MED12L: variants seen among roughly 807,000 people sequenced by gnomAD.
MED12L encodes the protein mediator of RNA polymerase II transcription subunit 12-like protein.
Under a neutral mutation model 281.3 loss-of-function variants are expected in MED12L, and 60 were observed. The ratio of observed to expected loss-of-function variants is 0.21; its 90% CI spans 0.17 to 0.26. The LOEUF (loss-of-function observed/expected upper bound fraction) is 0.26, where lower values mean the gene tolerates loss of function less well. Among genes scored for constraint, MED12L ranks in the 10% least tolerant of loss-of-function variants. The pLI is 1.00. For missense variants in MED12L, 2,146 were observed against 2,680.9 expected (o/e 0.80, Z 4.41); for synonymous variants, 974 against 987.2 (o/e 0.99, Z 0.25).
At position 151,201,223 on chromosome 3, in the gene MED12L, A is replaced by ACTCT. The variant is rs58729370; in HGVS notation, c.2250+7577_2250+7580dup. Among the ~76,000 whole-genome samples, 270 of 147,978 alleles carry ACTCT rather than the reference A, an allele frequency of 1.8e-3. 5 individuals are homozygous for ACTCT. In the South Asian group the frequency reaches 0.045, roughly 25 times the overall value. On this transcript the variant is annotated intron_variant, in intron 16 of 44. Transcript: ENST00000687756. ...TCTATGCATACAACCACGTGCACAC[A>ACTCT]CTCTCTCTCTCTCTCTCTCTCTCAC...
chr3:151,216,722 G>T (rs1728305182), intron 16 of MED12L, among the ~76,000 whole-genome samples: 1 of 152,074 alleles, frequency 6.6e-6, no homozygotes, highest in East Asian at 1.9e-4. Context: ...GTACTCATTT[G>T]CTTCTTTGTA....
At chr3:151,201,669 A>G (rs912300311) in intron 16 of MED12L, among the ~76,000 whole-genome samples, 1 of 152,202 alleles carries the variant, frequency 6.6e-6, no homozygotes, top group East Asian at 1.9e-4. Flanking sequence ...AGCTCCTCAC[A>G]TCTGAAAGCT....
intron 16 of MED12L, among the ~76,000 whole-genome samples, chr3:151,279,419 C>T (rs1284618181): frequency 6.6e-6 from 1 of 152,220 alleles, no homozygotes; most frequent in Non-Finnish European, 1.5e-5. Context: ...GTGACTGACA[C>T]ATACCCAAAC....
In MED12L at chr3:151,394,767, A is replaced by G. The variant is rs753846690; in HGVS notation, c.5720A>G (p.His1907Arg). ...GCCATGATGCAGCCGCCTTCTCTTC[A>G]TGCAATCACATCGCAGCAGCAGTTG... Reference protein sequence around the residue: ...SGAMMQPPSLHAITSQQQLIQ... With the variant: ...SGAMMQPPSLRAITSQQQLIQ... Residue 1907 changes from histidine to arginine, a missense_variant, in exon 39 of 45, where the codon CAT (histidine) becomes CGT (arginine). Around this residue, in one of 9 missense-constraint regions of MED12L, gnomAD observed 496 missense variants for 512.0 expected, o/e 0.97. Coordinates refer to ENST00000687756, the MANE Select transcript of MED12L (RefSeq NM_001393769.1). The G allele has an allele frequency of 1.9e-5, 31 of 1,614,120 alleles. No homozygotes were observed. Among genetic ancestry groups the G allele is most frequent in the Admixed American group, 3.3e-5 (2 of 60,008 alleles).
chr3:151,192,055 A>G (rs1002522288), intron 14 of MED12L, among the ~76,000 whole-genome samples: 4 of 152,246 alleles, frequency 2.6e-5, no homozygotes, highest in African/African-American at 9.6e-5. Flanking sequence ...CTTGTTTTCA[A>G]AATGGTGTCG....
Position 151,411,372 on chromosome 3 carries a change from A to C in MED12L, c.6005A>C (p.Tyr2002Ser), listed in dbSNP as rs776033469. The change falls in exon 41 of 45, where the codon TAT becomes TCT. Residue 2002 changes from tyrosine to serine, a missense_variant. Transcript: ENST00000687756. ...GGCAGTGTGGTCCTGTCTCCCAGCT[A>C]TAACTCCAGAGCCTATCCGGCCGCA... ...QAGSVVLSPS[Y>S]NSRAYPAAHS... The C allele has an allele frequency of 1.2e-6, 2 of 1,614,196 alleles. No individual in the cohort carries two copies. Among genetic ancestry groups the C allele is most frequent in the Admixed American group, 3.3e-5 (2 of 60,022 alleles).
chr3:151,411,355 G>T lies in MED12L; in HGVS notation c.5988G>T (p.Val1996=). 6.2e-7 allele frequency: 1 copy of T among 1,614,156 alleles called. No homozygotes were observed. The highest frequency in any genetic ancestry group is 8.5e-7 in the Non-Finnish European group (1 of 1,180,032). Residue 1996 remains valine, a synonymous_variant, in exon 41 of 45, where the codon GTG becomes GTT. Coordinates refer to ENST00000687756, the MANE Select transcript of MED12L (RefSeq NM_001393769.1). ...CATCGCAGCAGCAGGCTGGCAGTGT[G>T]GTCCTGTCTCCCAGCTATAACTCCA... The part of the protein sequence containing the change: ...QQTSQQQAGS[V]VLSPSYNSRA...
intron 16 of MED12L, among the ~76,000 whole-genome samples, chr3:151,303,722 C>G (rs1746260928): frequency 6.6e-6 from 1 of 152,172 alleles, no homozygotes; most frequent in Non-Finnish European, 1.5e-5. Context: ...GAGATCACGC[C>G]ACTGCACTGC....
chr3:151,382,330 C>T (rs1405215371), intron 32 of MED12L, among the ~76,000 whole-genome samples: 1 of 152,070 alleles, frequency 6.6e-6, no homozygotes, highest in Non-Finnish European at 1.5e-5. Flanking sequence ...CAGTGTTTTT[C>T]TTCGTAAGAT....
At chr3:151,277,244 C>T (rs1742031080) in intron 16 of MED12L, among the ~76,000 whole-genome samples, 1 of 151,574 alleles carries the variant, frequency 6.6e-6, no homozygotes, top group African/African-American at 2.4e-5. Context: ...ATATAGAGTT[C>T]ATTCATATAT....
intron 16 of MED12L, among the ~76,000 whole-genome samples, chr3:151,223,673 C>CT (rs1729873156): frequency 6.6e-6 from 1 of 152,156 alleles, no homozygotes; most frequent in Non-Finnish European, 1.5e-5. Context: ...ACAGTAGACA[C>CT]TGGAGACTCC....
intron 5 of MED12L, among the ~76,000 whole-genome samples, chr3:151,143,181 G>A (rs999774397): frequency 3.3e-5 from 5 of 152,172 alleles, no homozygotes; most frequent in Non-Finnish European, 7.3e-5. Context: ...CATTTTTGCT[G>A]TGTTTTAGAG....
chr3:151,147,874 G>C (rs1202939164), intron 5 of MED12L, among the ~76,000 whole-genome samples: 1 of 152,196 alleles, frequency 6.6e-6, no homozygotes, highest in East Asian at 1.9e-4. Flanking sequence ...ATACAGGCTA[G>C]TTCTCCTGGG....
At chr3:151,137,042 A>G (rs932147322) in intron 5 of MED12L, among the ~76,000 whole-genome samples, 7 of 152,022 alleles carry the variant, frequency 4.6e-5, no homozygotes, top group East Asian at 1.9e-4. Flanking sequence ...TGTGCCTGTA[A>G]TCCCAGCTAC....
intron 40 of MED12L, among the ~76,000 whole-genome samples, chr3:151,410,934 G>T (rs1716862374): frequency 6.6e-6 from 1 of 152,140 alleles, no homozygotes; most frequent in African/African-American, 2.4e-5. Context: ...TGTCATCTGT[G>T]CACTGAAGAT....
At chr3:151,430,201 G>C in intron 43 of MED12L, 98 bp from the exon 44 acceptor site, 1 of 1,555,250 alleles carries the variant, frequency 6.4e-7, no homozygotes, top group Non-Finnish European at 8.8e-7. Flanking sequence ...GAAGTGTTGA[G>C]AAGTACCTTA....
At chr3:151,150,796 G>A (rs1576833707) in intron 5 of MED12L, among the ~76,000 whole-genome samples, 1 of 152,142 alleles carries the variant, frequency 6.6e-6, no homozygotes, top group African/African-American at 2.4e-5. Flanking sequence ...TGTGACAATG[G>A]CTTCTTTCCT....
rs548423168 is a variant in MED12L at position 151,169,051 on chromosome 3, C to G, written c.1494+3069C>G. Among the ~76,000 whole-genome samples, 6 of 150,468 alleles carry G rather than the reference C, an allele frequency of 4.0e-5. No individual in the cohort carries two copies. In the East Asian group the frequency reaches 9.8e-4, roughly 24 times the overall value. On this transcript the variant is annotated intron_variant, in intron 11 of 44. Transcript: ENST00000687756. ...ATCAAGGTATATATGTATATGTAAT[C>G]AAGTTTTATCTCTCTATTTACTCCT...
At chr3:151,144,864 A>G (rs12632109) in intron 5 of MED12L, among the ~76,000 whole-genome samples, 2,782 of 152,166 alleles carry the variant, frequency 0.018, 62 homozygotes, top group African/African-American at 0.056. Flanking sequence ...TACCTGCATC[A>G]TGTAAACCTA....
Sources: allele counts gnomAD v4.1 joint callset (sites outside exome capture counted in the v4.1 genomes callset), GRCh38; gene constraint gnomAD v4.1.1; regional missense constraint gnomAD v4.1.1; transcripts MANE v1.5; gene names NCBI Gene and HGNC (gene_info 2026-07-23, HGNC 2026-07-21).